UBE3A: variants seen among roughly 807,000 people sequenced by gnomAD.
UBE3A encodes the protein ubiquitin protein ligase E3A.
UBE3A carries 6 observed loss-of-function variants against 83.4 expected under a neutral mutation model. That is an observed-to-expected ratio of 0.07 (90% CI 0.04 to 0.14). The LOEUF is 0.14. Among genes scored for constraint, UBE3A ranks in the 10% least tolerant of loss-of-function variants. UBE3A has a pLI of 1.00. For synonymous variants in UBE3A, 337 were observed against 355.4 expected (o/e 0.95, Z 0.58); for missense variants, 456 against 1,036.1 (o/e 0.44, Z 7.69).
In UBE3A at chr15:25,336,066, T is replaced by C. The variant is rs1557871; in HGVS notation, c.*3071A>G. 0.12 allele frequency: 18,176 copies of C among 152,164 alleles called. 1,163 individuals are homozygous for C. The highest frequency in any genetic ancestry group is 0.23 in the Middle Eastern group (68 of 292). The allele number at this position is 152,164 out of a possible 1,614,324, so 9.4% of individuals were successfully genotyped here. ...ATCAAAATCTTGCAGTGCCTATTAA[T>C]AAATGCCAACCCACTAACGGGGAGG... On this transcript the variant is annotated 3_prime_UTR_variant, in exon 13 of 13. Coordinates refer to ENST00000648336, the MANE Select transcript of UBE3A (RefSeq NM_130839.5).
chr15:25,338,955 T>G lies in UBE3A; in HGVS notation c.*182A>C, dbSNP rs1354070893. 5 of 461,142 alleles carry G rather than the reference T, an allele frequency of 1.1e-5. No individual in the cohort carries two copies. In the East Asian group the frequency reaches 1.9e-4, roughly 18 times the overall value. The allele number at this position is 461,142 out of a possible 1,614,324, so 28.6% of individuals were successfully genotyped here. Reference sequence around the variant, plus strand: ...CTGAAATCTGCTGTTCCAGCCCACATGTCCCCAATAAAGAAGGGAGGCACA... The same window carrying G: ...CTGAAATCTGCTGTTCCAGCCCACAGGTCCCCAATAAAGAAGGGAGGCACA... On this transcript the variant is annotated 3_prime_UTR_variant, in exon 13 of 13. Transcript: ENST00000648336.
intron 4 of UBE3A, among the ~76,000 whole-genome samples, chr15:25,400,589 T>G (rs1452705392): frequency 6.6e-6 from 1 of 152,218 alleles, no homozygotes; most frequent in Non-Finnish European, 1.5e-5. Context: ...TGGAATTGTC[T>G]TCTTGATTTT....
chr15:25,413,040 C>G (rs2090276382), intron 1 of UBE3A: 2 of 450,858 alleles, frequency 4.4e-6, no homozygotes, highest in Non-Finnish European at 4.4e-6. Context: ...TTAAGAAGCC[C>G]TGCCTTCCAA....
intron 1 of UBE3A, among the ~76,000 whole-genome samples, 189 bp from the exon 2 acceptor site, chr15:25,412,160 G>A (rs1037200066): frequency 6.6e-6 from 1 of 152,212 alleles, no homozygotes; most frequent in Admixed American, 6.5e-5. Context: ...AGGCCCTGTG[G>A]CCTGAGTGCT....
At chr15:25,364,821 AT>A (rs1159076315) in intron 6 of UBE3A, among the ~76,000 whole-genome samples, 4 of 148,930 alleles carry the variant, frequency 2.7e-5, no homozygotes, top group African/African-American at 7.4e-5. Flanking sequence ...TTTTTTTTGT[AT>A]TTTTTAGTAG....
At chr15:25,396,115 T>C (rs959674023) in intron 4 of UBE3A, among the ~76,000 whole-genome samples, 1 of 151,460 alleles carries the variant, frequency 6.6e-6, no homozygotes, top group African/African-American at 2.4e-5. Flanking sequence ...GGCAGGAGAA[T>C]TGCTTCATCC....
At chr15:25,429,195 G>C (rs1892308933) in intron 1 of UBE3A, among the ~76,000 whole-genome samples, 1 of 152,146 alleles carries the variant, frequency 6.6e-6, no homozygotes, top group East Asian at 1.9e-4. Flanking sequence ...TATAGTAAAA[G>C]TATAAAACAA....
rs1191801210 is a variant in UBE3A at position 25,408,354 on chromosome 15, AG to A, written c.20+733del. ...GAATCCTGTATGTGCTTGTAAATGC[AG>A]AACATATAACCTAATTCAAAACATA... On this transcript the variant is annotated intron_variant, in intron 3 of 12. Coordinates refer to ENST00000648336, the MANE Select transcript of UBE3A (RefSeq NM_130839.5). The A allele has an allele frequency of 4.0e-5, 21 of 524,410 alleles. No homozygotes were observed. The East Asian group carries it at 7.0e-4, about 17-fold the overall frequency. 32.5% of individuals were successfully genotyped at this position (524,410 alleles called of 1,614,324 possible).
At chr15:25,422,889 T>C (rs972864871) in intron 1 of UBE3A, among the ~76,000 whole-genome samples, 2 of 151,386 alleles carry the variant, frequency 1.3e-5, no homozygotes, top group African/African-American at 4.9e-5. Flanking sequence ...TCTTAGCTAC[T>C]TGGGAAGCTG....
rs7170449 is a variant in UBE3A, at chr15:25,405,693, T to C, written c.21-191A>G. 1,187 of 619,758 alleles carry C rather than the reference T, an allele frequency of 1.9e-3. 13 individuals are homozygous for C. In the African/African-American group the frequency reaches 0.02, roughly 10 times the overall value. 38.4% of individuals were successfully genotyped at this position (619,758 alleles called of 1,614,324 possible). On this transcript the variant is annotated intron_variant, in intron 3 of 12. Coordinates refer to ENST00000648336, the MANE Select transcript of UBE3A (RefSeq NM_130839.5). ...CCATACAACACATTTATTTTAAGGG[T>C]TGGACTATTAAAAAACTCAATGCAT...
intron 1 of UBE3A, among the ~76,000 whole-genome samples, chr15:25,435,011 CACACACACAA>C (rs1427588122): frequency 2.3e-5 from 3 of 128,028 alleles, no homozygotes; most frequent in African/African-American, 8.4e-5. Context: ...CACACACACA[CACACACACAA>C]ATACTAATAC....
At chr15:25,345,874 A>C (rs1307220765) in intron 11 of UBE3A, 1 of 152,196 alleles carries the variant, frequency 6.6e-6, no homozygotes. Flanking sequence ...ATCAAATACA[A>C]AGAAACTAAA....
intron 9 of UBE3A, 25 bp from the exon 10 acceptor site, chr15:25,354,708 A>C: frequency 6.2e-7 from 1 of 1,601,168 alleles, no homozygotes; most frequent in Non-Finnish European, 8.5e-7. Context: ...AATCACAAGA[A>C]CTTCTTATAA....
intron 4 of UBE3A, among the ~76,000 whole-genome samples, chr15:25,400,553 G>C (rs935378072): frequency 2.6e-5 from 4 of 152,130 alleles, no homozygotes; most frequent in Non-Finnish European, 5.9e-5. Flanking sequence ...GCCACTGCAT[G>C]TTTTGTTTTT....
intron 1 of UBE3A, among the ~76,000 whole-genome samples, chr15:25,437,471 T>C (rs570351221): frequency 6.6e-6 from 1 of 152,304 alleles, no homozygotes; most frequent in African/African-American, 2.4e-5. Context: ...ACTGTAATAA[T>C]TTGCTGCTTC....
Position 25,375,365 on chromosome 15 carries a change from T to C in UBE3A, c.361+100A>G, listed in dbSNP as rs141148624. 1.3e-3 allele frequency: 1,860 copies of C among 1,409,952 alleles called. 27 individuals are homozygous for C. The African/African-American group carries it at 0.024, about 19-fold the overall frequency. The allele number at this position is 1,409,952 out of a possible 1,614,324, so 87.3% of individuals were successfully genotyped here. A position where few individuals can be genotyped will look rare whatever the true frequency, so the allele number is the denominator to read the frequency against. On this transcript the variant is annotated intron_variant, in intron 5 of 12. Transcript: ENST00000648336. ...AAATTGGTTCTACGATATCAAAATG[T>C]CTTTATGTCACAGAAGAAAAAACAA...
intron 4 of UBE3A, among the ~76,000 whole-genome samples, chr15:25,404,235 G>A (rs2087888480): frequency 6.7e-6 from 1 of 150,278 alleles, no homozygotes; most frequent in Non-Finnish European, 1.5e-5. Context: ...AATATTTTCA[G>A]TAAAAAAATC....
chr15:25,366,108 T>G (rs1374615323), intron 6 of UBE3A, among the ~76,000 whole-genome samples: 1 of 152,230 alleles, frequency 6.6e-6, no homozygotes, highest in Non-Finnish European at 1.5e-5. Flanking sequence ...TATGTATATA[T>G]AGGCTTCATT....
At chr15:25,422,464 T>C (rs1274053904) in intron 1 of UBE3A, among the ~76,000 whole-genome samples, 2 of 152,094 alleles carry the variant, frequency 1.3e-5, no homozygotes, top group East Asian at 1.9e-4. Flanking sequence ...GAACTTAATA[T>C]AGAAAAAGGT....
Sources: allele counts gnomAD v4.1 joint callset (sites outside exome capture counted in the v4.1 genomes callset), GRCh38; gene constraint gnomAD v4.1.1; transcripts MANE v1.5; gene names NCBI Gene and HGNC (gene_info 2026-07-23, HGNC 2026-07-21).